The following ATG14 variants were observed in gnomAD, a reference collection of about 807,000 sequenced individuals.
ATG14 encodes autophagy related 14, also known as beclin 1-associated autophagy-related key regulator.
Under a neutral mutation model 60.4 loss-of-function variants are expected in ATG14, and 35 were observed. The observed-to-expected ratio is 0.58, with a 90% CI of 0.44 to 0.77. ATG14 has a LOEUF of 0.77. Ranked by LOEUF, ATG14 falls within the 30% of genes least tolerant of loss-of-function variation. The pLI is 0.00. For missense variants in ATG14, 647 were observed against 626.3 expected (o/e 1.03, Z -0.35); for synonymous variants, 234 against 228.8 (o/e 1.02, Z -0.21).
At chr14:55,382,366 G>A (rs1234130676) in intron 5 of ATG14, among the ~76,000 whole-genome samples, 175 bp from the exon 6 acceptor site, 2 of 152,042 alleles carry the variant, frequency 1.3e-5, no homozygotes, top group African/African-American at 4.8e-5. Context: ...AACATGGAGC[G>A]CAGTGACAGA....
At chr14:55,376,907 A>G (rs1040674355) in intron 9 of ATG14, among the ~76,000 whole-genome samples, 1 of 152,236 alleles carries the variant, frequency 6.6e-6, no homozygotes, top group African/African-American at 2.4e-5. Flanking sequence ...TCATGGGCTG[A>G]GAGAATAAAA....
At chr14:55,403,564 C>T (rs1885445236) in intron 1 of ATG14, among the ~76,000 whole-genome samples, 1 of 151,010 alleles carries the variant, frequency 6.6e-6, no homozygotes, top group Non-Finnish European at 1.5e-5. Flanking sequence ...CATGAAGTGA[C>T]CTGAATGATT....
intron 7 of ATG14, among the ~76,000 whole-genome samples, chr14:55,378,985 G>C (rs1414600585): frequency 6.6e-6 from 1 of 152,076 alleles, no homozygotes; most frequent in African/African-American, 2.4e-5. Context: ...TGGGATTACA[G>C]GCAGGCATGA....
intron 3 of ATG14, 125 bp from the exon 4 acceptor site, chr14:55,391,117 T>C (rs1885208292): frequency 3.2e-6 from 2 of 630,818 alleles, no homozygotes; most frequent in Admixed American, 3.5e-5. Flanking sequence ...GACCTTATGT[T>C]ATAGCTTTTG....
Position 55,367,711 on chromosome 14 carries a change from T to C in ATG14, c.*1908A>G. The stretch of plus-strand genomic sequence containing the variant: ...GTGAGCGGAGATGGTGCCACTACAC[T>C]CCAGCCTGGGCAGCTGAGTGAGACT... On this transcript the variant is annotated 3_prime_UTR_variant, in exon 10 of 10. Coordinates refer to ENST00000247178, the MANE Select transcript of ATG14 (RefSeq NM_014924.5). 6.7e-6 allele frequency: 1 copy of C among 150,356 alleles called. No homozygotes were observed. Among genetic ancestry groups the C allele is most frequent in the East Asian group, 1.9e-4 (1 of 5,144 alleles). 9.3% of individuals were successfully genotyped at this position (150,356 alleles called of 1,614,324 possible).
intron 9 of ATG14, among the ~76,000 whole-genome samples, chr14:55,376,230 C>G (rs1054598678): frequency 1.3e-5 from 2 of 152,106 alleles, no homozygotes; most frequent in African/African-American, 2.4e-5. Context: ...GGAATAATAT[C>G]CAAGGCAAGT....
intron 9 of ATG14, among the ~76,000 whole-genome samples, chr14:55,376,827 A>G (rs559678514): frequency 6.6e-6 from 1 of 152,218 alleles, no homozygotes; most frequent in Non-Finnish European, 1.5e-5. Context: ...AGAGCAAGGA[A>G]AAAAGGGCAA....
chr14:55,388,448 AAT>A (rs1325968135), intron 4 of ATG14, among the ~76,000 whole-genome samples: 1 of 152,082 alleles, frequency 6.6e-6, no homozygotes, highest in Admixed American at 6.5e-5. Context: ...TAAACATCAA[AAT>A]GTTTGGTGCT....
intron 1 of ATG14, among the ~76,000 whole-genome samples, chr14:55,410,267 G>C (rs546089455): frequency 1.3e-5 from 2 of 152,296 alleles, no homozygotes; most frequent in East Asian, 1.9e-4. Context: ...GAGAAGACTA[G>C]GTTGGAGATA....
chr14:55,378,168 C>T (rs1884956941), intron 7 of ATG14, 94 bp from the exon 8 acceptor site: 2 of 997,676 alleles, frequency 2.0e-6, no homozygotes, highest in Non-Finnish European at 3.0e-6. Flanking sequence ...ATAACACATA[C>T]TCTGTGCCCT....
chr14:55,389,800 A>T (rs1399908492), intron 4 of ATG14, among the ~76,000 whole-genome samples: 1 of 152,260 alleles, frequency 6.6e-6, no homozygotes, highest in African/African-American at 2.4e-5. Flanking sequence ...ATGATGTTAC[A>T]TTAGGATTAG....
At chr14:55,375,490 A>AATTTTTTTT (rs1555341540) in intron 9 of ATG14, among the ~76,000 whole-genome samples, 4 of 117,798 alleles carry the variant, frequency 3.4e-5, no homozygotes, top group South Asian at 2.8e-4. Flanking sequence ...GCCGGGCTAA[A>AATTTTTTTT]TTTTTTTTTT....
rs1165938421 is a variant in ATG14, at chr14:55,402,893, C to CAAAAAAA, written c.222-5466_222-5460dup. 1.8e-4 allele frequency among the ~76,000 whole-genome samples: 2 copies of CAAAAAAA among 11,100 alleles called. 1 individual carries two copies. The highest frequency in any genetic ancestry group is 3.2e-4 in the Non-Finnish European group (2 of 6,334). 7.3% of individuals were successfully genotyped at this position (11,100 alleles called of 152,430 possible). On this transcript the variant is annotated intron_variant, in intron 1 of 9. Coordinates refer to ENST00000247178, the MANE Select transcript of ATG14 (RefSeq NM_014924.5). ...GCAACATAGTAAGACTCCATCTCTA[C>CAAAAAAA]AAAAAAAAAAAAAAAAAAAAAAAAA...
At chr14:55,385,800 C>A in intron 5 of ATG14, 59 bp downstream of exon 5, 1 of 1,390,682 alleles carries the variant, frequency 7.2e-7, no homozygotes, top group Non-Finnish European at 9.9e-7. Context: ...TAATGACATA[C>A]TTTAAAAAGT....
chr14:55,374,575 T>C (rs554008924), intron 9 of ATG14, among the ~76,000 whole-genome samples: 1 of 152,364 alleles, frequency 6.6e-6, no homozygotes, highest in African/African-American at 2.4e-5. Flanking sequence ...TTATGGTTTT[T>C]GGGTTTTGTG....
chr14:55,381,574 G>A (rs946058), intron 6 of ATG14, among the ~76,000 whole-genome samples: 15,265 of 152,228 alleles, frequency 0.1, 2,119 homozygotes, highest in African/African-American at 0.31. Flanking sequence ...CCATAAAAAC[G>A]AATGAAACAC....
intron 9 of ATG14, among the ~76,000 whole-genome samples, chr14:55,373,008 AGGAGAGGCCCCT>A (rs999017243): frequency 9.9e-6 from 1 of 100,596 alleles, no homozygotes; most frequent in African/African-American, 3.4e-5. Flanking sequence ...ACAGAGCAGG[AGGAGAGGCCCCT>A]GCGATGTTTC....
chr14:55,408,331 T>C lies in ATG14; in HGVS notation c.221+3271A>G, dbSNP rs1343032469. Among the ~76,000 whole-genome samples the C allele has an allele frequency of 2.6e-5, 4 of 152,240 alleles. No homozygotes were observed. In the East Asian group the frequency reaches 7.8e-4, roughly 30 times the overall value. ...CTAGTTAGGCGTGTTGATGTGCGCCTGTAGTCCCAGATACCAGGGAGACTG... is the reference window on the plus strand; with the variant it reads ...CTAGTTAGGCGTGTTGATGTGCGCCCGTAGTCCCAGATACCAGGGAGACTG... On this transcript the variant is annotated intron_variant, in intron 1 of 9. Transcript: ENST00000247178.
At chr14:55,396,844 T>C (rs987499474) in intron 2 of ATG14, among the ~76,000 whole-genome samples, 1 of 152,044 alleles carries the variant, frequency 6.6e-6, no homozygotes, top group Non-Finnish European at 1.5e-5. Flanking sequence ...ATTCCCACCA[T>C]TCCCCCCCAC....
Sources: allele counts gnomAD v4.1 joint callset (sites outside exome capture counted in the v4.1 genomes callset), GRCh38; gene constraint gnomAD v4.1.1; transcripts MANE v1.5; gene names NCBI Gene and HGNC (gene_info 2026-07-23, HGNC 2026-07-21).